Variants in CSMD1 observed in about 807,000 individuals in gnomAD.
CSMD1 encodes CUB and Sushi multiple domains 1, also known as CUB and sushi domain-containing protein 1.
A neutral mutation model predicts 417.5 loss-of-function variants in CSMD1; 213 were observed. That is an observed-to-expected ratio of 0.51 (90% CI 0.46 to 0.57). The LOEUF is 0.57. Among genes scored for constraint, CSMD1 ranks in the 20% least tolerant of loss-of-function variants. CSMD1 has a pLI of 0.00. For missense variants in CSMD1, 6,923 were observed against 4,529.7 expected (o/e 1.53, Z -15.17); for synonymous variants, 2,862 against 1,736.8 (o/e 1.65, Z -16.11).
chr8:3,536,001 T>G (rs187672741), intron 10 of CSMD1, among the ~76,000 whole-genome samples: 1 of 152,220 alleles, frequency 6.6e-6, no homozygotes, highest in Non-Finnish European at 1.5e-5. Context: ...TCCCAGCAAC[T>G]TGAAACAAAA....
chr8:3,733,689 C>A (rs1197953964), intron 6 of CSMD1, among the ~76,000 whole-genome samples: 1 of 152,116 alleles, frequency 6.6e-6, no homozygotes, highest in East Asian at 1.9e-4. Context: ...GGGAGTCACT[C>A]AGTGCCCATC....
At chr8:3,507,605 G>A (rs557535868) in intron 10 of CSMD1, among the ~76,000 whole-genome samples, 1 of 152,264 alleles carries the variant, frequency 6.6e-6, no homozygotes, top group East Asian at 1.9e-4. Flanking sequence ...GGTTGAACTA[G>A]TTTACATTCC....
chr8:4,380,220 A>G (rs947180035), intron 3 of CSMD1, among the ~76,000 whole-genome samples: 2 of 152,154 alleles, frequency 1.3e-5, no homozygotes, highest in African/African-American at 2.4e-5. Flanking sequence ...CAGTATGGAA[A>G]AAGGACACCA....
At chr8:3,953,060 C>A (rs1162872122) in intron 5 of CSMD1, among the ~76,000 whole-genome samples, 1 of 151,560 alleles carries the variant, frequency 6.6e-6, no homozygotes, top group Non-Finnish European at 1.5e-5. Flanking sequence ...ATGAAAAGAA[C>A]AGAAAAGAAA....
chr8:4,474,421 G>A (rs948552934), intron 2 of CSMD1, among the ~76,000 whole-genome samples: 11 of 152,166 alleles, frequency 7.2e-5, no homozygotes, highest in African/African-American at 2.7e-4. Flanking sequence ...AAGGCAGAGG[G>A]TCATAGAAGT....
At chr8:4,682,003 T>A (rs954796392) in intron 1 of CSMD1, among the ~76,000 whole-genome samples, 1 of 152,142 alleles carries the variant, frequency 6.6e-6, no homozygotes, top group South Asian at 2.1e-4. Flanking sequence ...AAGGTTTATG[T>A]CATTTTATTG....
intron 5 of CSMD1, among the ~76,000 whole-genome samples, chr8:3,794,700 C>T (rs760357998): frequency 1.3e-5 from 2 of 152,070 alleles, no homozygotes; most frequent in African/African-American, 4.8e-5. Flanking sequence ...CACTGCTTGA[C>T]TGTAAACCTA....
At chr8:3,307,977 C>G (rs1393842) in intron 24 of CSMD1, among the ~76,000 whole-genome samples, 156 bp from the exon 25 acceptor site, 1 of 152,122 alleles carries the variant, frequency 6.6e-6, no homozygotes, top group Admixed American at 6.6e-5. Context: ...AATATTTCTT[C>G]CAAATCATTA....
intron 5 of CSMD1, among the ~76,000 whole-genome samples, chr8:3,981,500 T>TAAAAAAAAAAGAA (rs1813862911): frequency 8.7e-6 from 1 of 115,074 alleles, no homozygotes; most frequent in Admixed American, 1.0e-4. Context: ...TAGAAAAAAG[T>TAAAAAAAAAAGAA]AAAAAAAAAA....
Position 3,640,772 on chromosome 8 carries a change from C to A in CSMD1, c.1010-23975G>T, listed in dbSNP as rs115532451. 4.4e-3 allele frequency among the ~76,000 whole-genome samples: 670 copies of A among 152,238 alleles called. 4 individuals carry two copies. Among genetic ancestry groups the A allele is most frequent in the African/African-American group, 0.016 (658 of 41,530 alleles). On this transcript the variant is annotated intron_variant, in intron 7 of 69. Coordinates refer to ENST00000635120, the MANE Select transcript of CSMD1 (RefSeq NM_033225.6). Reference sequence around the variant, plus strand: ...TGTACAGGAAGTGAGACATTCACAGCCCCTGTGTGGGGAAGAGACGGCCTC... The same window carrying A: ...TGTACAGGAAGTGAGACATTCACAGACCCTGTGTGGGGAAGAGACGGCCTC...
At chr8:4,119,963 T>C (rs1802387322) in intron 3 of CSMD1, among the ~76,000 whole-genome samples, 1 of 151,808 alleles carries the variant, frequency 6.6e-6, no homozygotes, top group Non-Finnish European at 1.5e-5. Flanking sequence ...AAAAAATTAG[T>C]TTAAAAGAAT....
chr8:3,520,492 A>C (rs1170575406), intron 10 of CSMD1, among the ~76,000 whole-genome samples: 1 of 152,218 alleles, frequency 6.6e-6, no homozygotes, highest in East Asian at 1.9e-4. Flanking sequence ...CAACAAAATA[A>C]AATGTTTATT....
chr8:4,373,520 C>T (rs11989934), intron 3 of CSMD1, among the ~76,000 whole-genome samples: 6,046 of 152,254 alleles, frequency 0.04, 286 homozygotes, highest in African/African-American at 0.11. Flanking sequence ...ACTTTCAGAA[C>T]TACTGCATTA....
chr8:4,401,046 T>G (rs980407400), intron 3 of CSMD1, among the ~76,000 whole-genome samples: 3 of 152,162 alleles, frequency 2.0e-5, no homozygotes, highest in African/African-American at 7.2e-5. Flanking sequence ...ACGCTGAGCA[T>G]GCAATATGAT....
At chr8:4,151,123 T>G (rs58069094) in intron 3 of CSMD1, among the ~76,000 whole-genome samples, 1 of 152,044 alleles carries the variant, frequency 6.6e-6, no homozygotes, top group Non-Finnish European at 1.5e-5. Flanking sequence ...GATATTAGGA[T>G]CCCTGTTCAC....
At chr8:4,165,682 C>T (rs868322993) in intron 3 of CSMD1, among the ~76,000 whole-genome samples, 1 of 152,174 alleles carries the variant, frequency 6.6e-6, no homozygotes, top group Non-Finnish European at 1.5e-5. Context: ...GAATTACAGG[C>T]GTGACCCATC....
intron 3 of CSMD1, among the ~76,000 whole-genome samples, chr8:4,167,475 A>C (rs1797520835): frequency 6.6e-6 from 1 of 152,204 alleles, no homozygotes; most frequent in Admixed American, 6.5e-5. Context: ...CTGAGAGACT[A>C]CATTAGAAAA....
intron 15 of CSMD1, among the ~76,000 whole-genome samples, chr8:3,402,454 G>T (rs1245213948): frequency 6.6e-6 from 1 of 152,110 alleles, no homozygotes; most frequent in Non-Finnish European, 1.5e-5. Context: ...ATGCCACTGA[G>T]CTGCATTGAG....
chr8:4,276,972 T>A (rs902454421), intron 3 of CSMD1, among the ~76,000 whole-genome samples: 1 of 152,146 alleles, frequency 6.6e-6, no homozygotes, highest in African/African-American at 2.4e-5. Flanking sequence ...GAAAACAAAC[T>A]ACATATTTTA....
Sources: allele counts gnomAD v4.1 joint callset (sites outside exome capture counted in the v4.1 genomes callset), GRCh38; gene constraint gnomAD v4.1.1; transcripts MANE v1.5; gene names NCBI Gene and HGNC (gene_info 2026-07-23, HGNC 2026-07-21).